The following DPF3 variants were observed in gnomAD, a reference collection of about 807,000 sequenced individuals.
DPF3 encodes the protein zinc finger protein DPF3.
Under a neutral mutation model 56.8 loss-of-function variants are expected in DPF3, and 18 were observed. The ratio of observed to expected loss-of-function variants is 0.32; its 90% confidence interval spans 0.22 to 0.47. DPF3 has a LOEUF of 0.47. Ranked by LOEUF, DPF3 falls within the 20% of genes least tolerant of loss-of-function variation. The pLI is 1.00. For missense variants in DPF3, 403 were observed against 488.8 expected (o/e 0.82, Z 1.65); for synonymous variants, 188 against 180.2 (o/e 1.04, Z -0.35).
chr14:72,729,656 A>T (rs114331043), intron 4 of DPF3, among the ~76,000 whole-genome samples: 2,427 of 152,326 alleles, frequency 0.016, 62 homozygotes, highest in African/African-American at 0.055. Flanking sequence ...AATGTTACTA[A>T]ATCAGAGAAG....
At chr14:72,691,972 A>G (rs1357287257) in intron 7 of DPF3, among the ~76,000 whole-genome samples, 3 of 152,150 alleles carry the variant, frequency 2.0e-5, no homozygotes, top group Non-Finnish European at 4.4e-5. Context: ...AAACCCATAA[A>G]GAAGGCAATA....
intron 7 of DPF3, among the ~76,000 whole-genome samples, chr14:72,683,830 C>T (rs1887279416): frequency 6.6e-6 from 1 of 152,134 alleles, no homozygotes; most frequent in South Asian, 2.1e-4. Flanking sequence ...AGGGTGGCCA[C>T]GCATCCAGGT....
At chr14:72,843,025 A>C (rs924282910) in intron 1 of DPF3, among the ~76,000 whole-genome samples, 5 of 152,132 alleles carry the variant, frequency 3.3e-5, no homozygotes, top group Non-Finnish European at 7.4e-5. Context: ...TCCATCTCAA[A>C]AAAATAAATA....
intron 9 of DPF3, among the ~76,000 whole-genome samples, chr14:72,621,828 G>A (rs940850746): frequency 6.6e-6 from 1 of 152,212 alleles, no homozygotes; most frequent in African/African-American, 2.4e-5. Flanking sequence ...CAAGGATGCC[G>A]TCTGGGTTGT....
In DPF3 at chr14:72,886,821, C is replaced by A. The variant is rs371339227; in HGVS notation, c.32+7236G>T. Among the ~76,000 whole-genome samples the A allele has an allele frequency of 2.3e-4, 35 of 152,180 alleles. No individual in the cohort carries two copies. In the East Asian group the frequency reaches 5.0e-3, roughly 22 times the overall value. ...AATCTGAGATGTTCTGGAGACATGTCACTGAAGGGGAGGCATGAAGTCCAG... is the reference window on the plus strand; with the variant it reads ...AATCTGAGATGTTCTGGAGACATGTAACTGAAGGGGAGGCATGAAGTCCAG... On this transcript the variant is annotated intron_variant, in intron 1 of 10. Transcript: ENST00000556509.
At chr14:72,859,041 T>C (rs965507284) in intron 1 of DPF3, among the ~76,000 whole-genome samples, 4 of 152,208 alleles carry the variant, frequency 2.6e-5, no homozygotes, top group African/African-American at 9.6e-5. Context: ...TACTGTGGAA[T>C]TATTGTTAAC....
chr14:72,891,758 G>A (rs1338711416), intron 1 of DPF3, among the ~76,000 whole-genome samples: 1 of 152,060 alleles, frequency 6.6e-6, no homozygotes, highest in Non-Finnish European at 1.5e-5. Context: ...AAGGGTCTGG[G>A]AAGCAGAAAG....
chr14:72,787,979 G>C (rs1438615104), intron 1 of DPF3, among the ~76,000 whole-genome samples: 1 of 152,206 alleles, frequency 6.6e-6, no homozygotes, highest in South Asian at 2.1e-4. Context: ...AGGCCCACAG[G>C]TGCTGGAGAG....
At chr14:72,829,031 GC>G (rs1883938951) in intron 1 of DPF3, among the ~76,000 whole-genome samples, 1 of 152,188 alleles carries the variant, frequency 6.6e-6, no homozygotes. Context: ...AGAAAGCCTT[GC>G]CCAAGGTCAC....
intron 6 of DPF3, among the ~76,000 whole-genome samples, chr14:72,711,211 A>C (rs1599376349): frequency 6.6e-6 from 1 of 152,352 alleles, no homozygotes; most frequent in Admixed American, 6.5e-5. Context: ...TGGAGTGGGA[A>C]TTATGCAAAT....
At chr14:72,884,455 A>G (rs1886437192) in intron 1 of DPF3, among the ~76,000 whole-genome samples, 1 of 152,210 alleles carries the variant, frequency 6.6e-6, no homozygotes, top group Admixed American at 6.5e-5. Context: ...TTTAGTTCTC[A>G]TAGTAACACC....
At chr14:72,626,762 C>T (rs1884855531) in intron 9 of DPF3, among the ~76,000 whole-genome samples, 1 of 152,006 alleles carries the variant, frequency 6.6e-6, no homozygotes, top group South Asian at 2.1e-4. Context: ...AAATTTCCCT[C>T]CCCAGGGTTG....
chr14:72,782,635 T>G (rs894274161), intron 1 of DPF3, among the ~76,000 whole-genome samples: 5 of 152,032 alleles, frequency 3.3e-5, no homozygotes, highest in African/African-American at 1.2e-4. Flanking sequence ...GAGTTCGAGA[T>G]CAGCCTGGCC....
At chr14:72,757,083 AAGGAAGGG>A (rs1170540312) in intron 2 of DPF3, among the ~76,000 whole-genome samples, 5 of 112,016 alleles carry the variant, frequency 4.5e-5, no homozygotes, top group African/African-American at 1.7e-4. Context: ...GGAAGGAAGG[AAGGAAGGG>A]AGGAAGGGAG....
rs994221192 is a variant in DPF3, at chr14:72,710,183, T to C, written c.604+4240A>G. Among the ~76,000 whole-genome samples, 37 of 152,214 alleles carry C rather than the reference T, an allele frequency of 2.4e-4. 1 individual carries two copies. Among genetic ancestry groups the C allele is most frequent in the African/African-American group, 8.2e-4 (34 of 41,458 alleles). On this transcript the variant is annotated intron_variant, in intron 6 of 10. Coordinates refer to ENST00000556509, the MANE Select transcript of DPF3 (RefSeq NM_001280542.3). ...GAAGAGAAGAGGCAAACTCTTGAAA[T>C]GACTTTTAAAACTTTCTAGCAGCCC... is the stretch of plus-strand genomic sequence containing the variant.
chr14:72,639,276 G>T (rs1476635306), intron 8 of DPF3, among the ~76,000 whole-genome samples: 1 of 152,156 alleles, frequency 6.6e-6, no homozygotes, highest in Non-Finnish European at 1.5e-5. Context: ...TTTCAAAGAG[G>T]AATGAGGCAT....
chr14:72,684,111 A>G (rs139891737), intron 7 of DPF3, among the ~76,000 whole-genome samples: 34 of 152,310 alleles, frequency 2.2e-4, no homozygotes, highest in African/African-American at 7.5e-4. Flanking sequence ...CAGTGGCACA[A>G]TCATGGCTTA....
At position 72,616,418 on chromosome 14, in the gene DPF3, T is replaced by C. The variant is rs1377768493; in HGVS notation, c.*2879A>G. ...CCCACAGCCCATGCAAGTCATGATT[T>C]CCTTGGTCGCAGCCCAGCCCTGGCA... On this transcript the variant is annotated 3_prime_UTR_variant, in exon 11 of 11. Coordinates refer to ENST00000556509, the MANE Select transcript of DPF3 (RefSeq NM_001280542.3). Among the ~76,000 whole-genome samples the C allele has an allele frequency of 6.6e-6, 1 of 152,174 alleles. No individual in the cohort carries two copies. The highest frequency in any genetic ancestry group is 2.4e-5 in the African/African-American group (1 of 41,442).
chr14:72,828,268 A>AGATCCTGCCT (rs1567247426), intron 1 of DPF3, among the ~76,000 whole-genome samples: 2 of 152,210 alleles, frequency 1.3e-5, no homozygotes, highest in Admixed American at 1.3e-4. Flanking sequence ...GAAAAACAGC[A>AGATCCTGCCT]GATCCTGCCT....
Sources: allele counts gnomAD v4.1 joint callset (sites outside exome capture counted in the v4.1 genomes callset), GRCh38; gene constraint gnomAD v4.1.1; transcripts MANE v1.5; gene names NCBI Gene and HGNC (gene_info 2026-07-23, HGNC 2026-07-21).